Variants in DNAH11 observed in about 807,000 individuals in gnomAD.
DNAH11 encodes the protein axonemal beta dynein heavy chain 11.
Under a neutral mutation model 526.0 loss-of-function variants are expected in DNAH11, and 442 were observed. The ratio of observed to expected loss-of-function variants is 0.84; its 90% CI spans 0.78 to 0.91. The LOEUF (loss-of-function observed/expected upper bound fraction) is 0.91, where lower values mean the gene tolerates loss of function less well. DNAH11 is among the 40% of genes least tolerant of loss of function. DNAH11 has a pLI of 0.00. For missense variants in DNAH11, 6,989 were observed against 5,448.7 expected (o/e 1.28, Z -8.90); for synonymous variants, 2,461 against 1,935.9 (o/e 1.27, Z -7.12).
chr7:21,568,475 C>T (rs1003281115), intron 6 of DNAH11, among the ~76,000 whole-genome samples: 1 of 152,122 alleles, frequency 6.6e-6, no homozygotes, highest in Non-Finnish European at 1.5e-5. Context: ...GTTTGTGGCC[C>T]CTAGTAGGGT....
Position 21,744,921 on chromosome 7 carries a change from G to A in DNAH11, c.8368G>A (p.Ala2790Thr). The A allele has an allele frequency of 1.9e-6, 3 of 1,611,110 alleles. No homozygotes were observed. In the South Asian group the frequency reaches 3.3e-5, roughly 18 times the overall value. ...LQQPLIYCHFADRGKDPHYMP... is the reference protein window; with the variant it reads ...LQQPLIYCHFTDRGKDPHYMP... ...ACAGCCCCTCATTTATTGCCACTTTGCTGATAGAGGGAAGGACCCACATTA... is the reference window on the plus strand; with the variant it reads ...ACAGCCCCTCATTTATTGCCACTTTACTGATAGAGGGAAGGACCCACATTA... The change falls in exon 51 of 82, where the codon GCT becomes ACT. Residue 2790 changes from alanine (A) to threonine (T), a missense_variant. Transcript: ENST00000409508.
chr7:21,790,496 CT>C (rs1228849555), intron 61 of DNAH11, among the ~76,000 whole-genome samples: 1 of 152,146 alleles, frequency 6.6e-6, no homozygotes, highest in African/African-American at 2.4e-5. Context: ...ATTGTATGTA[CT>C]ACTAAATACC....
At chr7:21,715,148 C>T (rs1039899066) in intron 42 of DNAH11, among the ~76,000 whole-genome samples, 1 of 152,214 alleles carries the variant, frequency 6.6e-6, no homozygotes, top group East Asian at 1.9e-4. Flanking sequence ...CGGTGAATGA[C>T]AGAGAACTTG....
intron 42 of DNAH11, among the ~76,000 whole-genome samples, chr7:21,715,998 G>A (rs73682676): frequency 0.017 from 2,552 of 151,970 alleles, 97 homozygotes; most frequent in African/African-American, 0.059. Context: ...TAGTGGGATC[G>A]GTAGATTTTC....
chr7:21,694,487 A>G (rs1023817457), intron 35 of DNAH11, among the ~76,000 whole-genome samples: 4 of 152,124 alleles, frequency 2.6e-5, no homozygotes, highest in Non-Finnish European at 5.9e-5. Context: ...GCTGAGAATG[A>G]TGGTTTCCAG....
chr7:21,793,165 G>A (rs181800027), intron 61 of DNAH11, among the ~76,000 whole-genome samples: 108 of 152,176 alleles, frequency 7.1e-4, no homozygotes, highest in African/African-American at 2.2e-3. Flanking sequence ...TCCTGTGTTC[G>A]TATAGTTGCC....
chr7:21,752,515 A>G (rs1237356953), intron 54 of DNAH11, among the ~76,000 whole-genome samples: 1 of 151,820 alleles, frequency 6.6e-6, no homozygotes, highest in East Asian at 1.9e-4. Flanking sequence ...TCTCATGTAT[A>G]TTTTTCCTAT....
chr7:21,782,127 G>T (rs1474716414), intron 57 of DNAH11, among the ~76,000 whole-genome samples: 2 of 152,132 alleles, frequency 1.3e-5, no homozygotes, highest in African/African-American at 2.4e-5. Flanking sequence ...GCAGTTATTG[G>T]GACTTCATTC....
At chr7:21,765,280 G>T (rs960608424) in intron 54 of DNAH11, 148 bp from the exon 55 acceptor site, 2 of 1,107,108 alleles carry the variant, frequency 1.8e-6, no homozygotes, top group East Asian at 2.5e-5. Flanking sequence ...TAGCAAGGAG[G>T]TTAATGTTGC....
chr7:21,842,445 G>A, intron 65 of DNAH11, 99 bp from the exon 66 acceptor site: 2 of 1,029,864 alleles, frequency 1.9e-6, no homozygotes, highest in Non-Finnish European at 2.7e-6. Flanking sequence ...CTGAGCTTCT[G>A]GCCAAGGTCC....
In DNAH11 at chr7:21,687,393, T is replaced by C. The variant is rs1228083044; in HGVS notation, c.5790T>C (p.Asn1930=). The change falls in exon 34 of 82, where the codon AAT becomes AAC. Residue 1930 remains asparagine (N), a synonymous_variant. Transcript: ENST00000409508. ...ACTTTATCATTTAGTCCATAGGCAA[T>C]ATCTATAAGGGATTGGTGCAGACAG... is the stretch of plus-strand genomic sequence containing the variant. ...SEQMDYKSIG[N]IYKGLVQTGA... 3 of 1,610,670 alleles carry C rather than the reference T, an allele frequency of 1.9e-6. No homozygotes were observed. The highest frequency in any genetic ancestry group is 2.5e-6 in the Non-Finnish European group (3 of 1,178,454).
At chr7:21,634,016 C>T (rs1363791821) in intron 25 of DNAH11, among the ~76,000 whole-genome samples, 1 of 152,030 alleles carries the variant, frequency 6.6e-6, no homozygotes, top group East Asian at 1.9e-4. Context: ...GTCTTGAATT[C>T]TAAAATTATA....
intron 19 of DNAH11, 26 bp from the exon 20 acceptor site, chr7:21,606,621 T>C: frequency 1.4e-6 from 2 of 1,476,790 alleles, no homozygotes; most frequent in African/African-American, 3.0e-5. Context: ...TTCACTTTTT[T>C]TTTTTTTTTT....
rs757611093 is a variant in DNAH11 at position 21,765,617 on chromosome 7, C to G, written c.9102+28C>G. On this transcript the variant is annotated intron_variant, in intron 55 of 81. Transcript: ENST00000409508. ...ATGCCGTGTCAGCCTGCGTCACACACACACACACACACACACACACACACA... is the reference window on the plus strand; with the variant it reads ...ATGCCGTGTCAGCCTGCGTCACACAGACACACACACACACACACACACACA... 9.4e-4 allele frequency: 600 copies of G among 637,312 alleles called. 11 individuals are homozygous for G. In the African/African-American group the frequency reaches 0.041, roughly 44 times the overall value. 39.5% of individuals were successfully genotyped at this position (637,312 alleles called of 1,614,324 possible).
At chr7:21,801,107 G>C in intron 61 of DNAH11, 30 bp from the exon 62 acceptor site, 1 of 1,580,116 alleles carries the variant, frequency 6.3e-7, no homozygotes, top group Non-Finnish European at 8.6e-7. Flanking sequence ...AACTAAAAAT[G>C]ACTCAAAAGT....
At chr7:21,579,822 A>C (rs1452913236) in intron 8 of DNAH11, among the ~76,000 whole-genome samples, 2 of 152,220 alleles carry the variant, frequency 1.3e-5, no homozygotes, top group Non-Finnish European at 2.9e-5. Flanking sequence ...AGGATGAATC[A>C]GAGATAGGAC....
chr7:21,640,360 G>C (rs1013865767), intron 28 of DNAH11, among the ~76,000 whole-genome samples: 5 of 152,106 alleles, frequency 3.3e-5, no homozygotes, highest in African/African-American at 1.2e-4. Flanking sequence ...CTCTGCCCAG[G>C]GTGACTGTAT....
intron 14 of DNAH11, among the ~76,000 whole-genome samples, chr7:21,593,305 G>A (rs1341705826): frequency 2.0e-5 from 3 of 152,192 alleles, no homozygotes; most frequent in Admixed American, 6.5e-5. Context: ...TCATTGGGAT[G>A]AGGAGAGGTG....
intron 26 of DNAH11, among the ~76,000 whole-genome samples, chr7:21,637,109 G>T (rs1194135532): frequency 6.6e-6 from 1 of 152,090 alleles, no homozygotes; most frequent in African/African-American, 2.4e-5. Flanking sequence ...AGAAAAAATA[G>T]ATTGTTTATA....
Sources: gnomAD v4.1 joint callset for allele counts (sites outside exome capture counted in the v4.1 genomes callset) on GRCh38, gnomAD v4.1.1 for gene constraint, MANE v1.5 for transcripts, NCBI Gene and HGNC (gene_info 2026-07-23, HGNC 2026-07-21) for gene names.